SPATA22: variants seen among roughly 807,000 people sequenced by gnomAD.
The protein encoded by SPATA22 is spermatogenesis-associated protein 22.
A neutral mutation model predicts 47.8 loss-of-function variants in SPATA22; 29 were observed. That is an observed-to-expected ratio of 0.61 (90% CI 0.45 to 0.83). The LOEUF (loss-of-function observed/expected upper bound fraction) is 0.83, where lower values mean the gene tolerates loss of function less well. Among genes scored for constraint, SPATA22 ranks in the 40% least tolerant of loss-of-function variants. The pLI is 0.00. For missense variants in SPATA22, 410 were observed against 421.7 expected (o/e 0.97, Z 0.24); for synonymous variants, 133 against 140.9 (o/e 0.94, Z 0.40).
At chr17:3,476,893 T>A (rs1040621410) in intron 1 of SPATA22, among the ~76,000 whole-genome samples, 15 of 152,218 alleles carry the variant, frequency 9.9e-5, no homozygotes, top group Non-Finnish European at 2.1e-4. Context: ...ATATCTTTTG[T>A]CAGAAGACAT....
chr17:3,486,173 A>G (rs1292686023), intron 1 of SPATA22, among the ~76,000 whole-genome samples: 2 of 152,122 alleles, frequency 1.3e-5, no homozygotes, highest in Non-Finnish European at 2.9e-5. Context: ...ACCTCAGGTG[A>G]TCCACCCGCC....
chr17:3,446,203 T>C (rs571590585), intron 7 of SPATA22, among the ~76,000 whole-genome samples: 1 of 152,260 alleles, frequency 6.6e-6, no homozygotes, highest in South Asian at 2.1e-4. Context: ...CTGCAAAGTC[T>C]CTTTTGCCAT....
At chr17:3,498,886 G>A (rs1352242107) in intron 1 of SPATA22, 55 of 1,555,890 alleles carry the variant, frequency 3.5e-5, no homozygotes, top group Non-Finnish European at 4.7e-5. Flanking sequence ...ATTGTTTCCT[G>A]AGAGGATCAA....
chr17:3,462,887 T>C (rs543407959), intron 3 of SPATA22, 120 bp from the exon 4 acceptor site: 12 of 759,742 alleles, frequency 1.6e-5, no homozygotes, highest in Non-Finnish European at 2.5e-5. Context: ...CTTGAATATA[T>C]GGATTTCTTC....
chr17:3,444,969 A>G (rs1380899177), intron 7 of SPATA22, among the ~76,000 whole-genome samples: 1 of 152,114 alleles, frequency 6.6e-6, no homozygotes, highest in African/African-American at 2.4e-5. Flanking sequence ...ATTGGTGTTT[A>G]TAATGAGTAT....
intron 5 of SPATA22, among the ~76,000 whole-genome samples, chr17:3,462,058 C>T (rs1239740402): frequency 6.6e-6 from 1 of 152,154 alleles, no homozygotes; most frequent in East Asian, 1.9e-4. Flanking sequence ...CTTTCTTCTG[C>T]CATTCCGTTT....
At chr17:3,492,160 C>T (rs1025971083) in intron 1 of SPATA22, among the ~76,000 whole-genome samples, 12 of 152,130 alleles carry the variant, frequency 7.9e-5, no homozygotes, top group Admixed American at 2.6e-4. Flanking sequence ...TACAGGCCTG[C>T]GCCATTGCGC....
At chr17:3,452,454 T>C (rs1361440691) in intron 5 of SPATA22, among the ~76,000 whole-genome samples, 2 of 151,872 alleles carry the variant, frequency 1.3e-5, no homozygotes, top group Non-Finnish European at 2.9e-5. Flanking sequence ...TAGCTGGGCA[T>C]GGTGGGGCAG....
chr17:3,466,238 A>C (rs1465431520), intron 3 of SPATA22, among the ~76,000 whole-genome samples: 1 of 151,276 alleles, frequency 6.6e-6, no homozygotes, highest in Admixed American at 6.6e-5. Flanking sequence ...CTAGCTATAT[A>C]AGATCCTATT....
chr17:3,501,952 CAAAAAAAA>C (rs35886989), intron 1 of SPATA22: 1 of 147,308 alleles, frequency 6.8e-6, no homozygotes, highest in African/African-American at 2.6e-5. Flanking sequence ...GCCTCCATCT[CAAAAAAAA>C]AAAAAAAAAA....
rs368125267 is a variant in SPATA22, at chr17:3,462,466, A to C, written c.329+17T>G. 42 of 1,548,568 alleles carry C rather than the reference A, an allele frequency of 2.7e-5. 1 individual carries two copies. The African/African-American group carries it at 4.3e-4, about 16-fold the overall frequency. On this transcript the variant is annotated intron_variant, in intron 5 of 8. Coordinates refer to ENST00000572969, the MANE Select transcript of SPATA22 (RefSeq NM_001170698.2). ...TGAGAAGGAATAGAAGAAGAAAGAA[A>C]TTTTAAGTAGACTCACCTCCAACCA...
chr17:3,471,587 G>A (rs1453007124), intron 1 of SPATA22, 95 bp downstream of exon 1: 2 of 985,106 alleles, frequency 2.0e-6, no homozygotes, highest in African/African-American at 1.8e-5. Context: ...CCTGACCGCG[G>A]TGGGAGAGAA....
At chr17:3,505,690 T>A (rs1361206960) in intron 1 of SPATA22, among the ~76,000 whole-genome samples, 2 of 151,966 alleles carry the variant, frequency 1.3e-5, no homozygotes, top group Non-Finnish European at 2.9e-5. Flanking sequence ...TATTTGCATA[T>A]CCGACAAAAA....
intron 1 of SPATA22, among the ~76,000 whole-genome samples, chr17:3,509,242 GT>G (rs2074080410): frequency 6.6e-6 from 1 of 151,882 alleles, no homozygotes; most frequent in African/African-American, 2.4e-5. Flanking sequence ...GAACATGCAG[GT>G]TTGTTACATA....
At chr17:3,503,555 T>G (rs906521896) in intron 1 of SPATA22, 5 of 152,202 alleles carry the variant, frequency 3.3e-5, no homozygotes, top group Non-Finnish European at 7.3e-5. Flanking sequence ...AAGAATATTC[T>G]TCCCTCAAAT....
chr17:3,467,599 G>T, intron 2 of SPATA22, 45 bp from the exon 3 acceptor site: 2 of 1,524,188 alleles, frequency 1.3e-6, no homozygotes, highest in Non-Finnish European at 1.8e-6. Context: ...AGACAAATAA[G>T]CAGATCTAGT....
chr17:3,448,935 T>C lies in SPATA22; in HGVS notation c.544A>G (p.Lys182Glu), dbSNP rs1482778075. ...CCTCTCATTGTGCAGCCAGATATTTTTGATGAATGTGTTTGTCTGAGTAGC... is the reference window on the plus strand; with the variant it reads ...CCTCTCATTGTGCAGCCAGATATTTCTGATGAATGTGTTTGTCTGAGTAGC... Reference protein sequence around the residue: ...TELLRQTHSSKISGCTMRGLD... With the variant: ...TELLRQTHSSEISGCTMRGLD... Residue 182 changes from lysine (K) to glutamate (E), a missense_variant, in exon 6 of 9, where the codon AAA (lysine) becomes GAA (glutamate). Lys to Glu is a moderately conservative substitution (Grantham distance 56). Transcript: ENST00000572969. The C allele has an allele frequency of 1.9e-6, 3 of 1,614,082 alleles. No individual in the cohort carries two copies. The highest frequency in any genetic ancestry group is 2.5e-6 in the Non-Finnish European group (3 of 1,179,974).
chr17:3,500,858 T>C (rs2150765981), intron 1 of SPATA22: 1 of 152,192 alleles, frequency 6.6e-6, no homozygotes, highest in South Asian at 2.1e-4. Context: ...CTGAGCTCTA[T>C]AAATGGAACA....
At chr17:3,464,966 G>A (rs1280172211) in intron 3 of SPATA22, among the ~76,000 whole-genome samples, 1 of 110,570 alleles carries the variant, frequency 9.0e-6, no homozygotes, top group African/African-American at 2.7e-5. Flanking sequence ...CGCCCCTACT[G>A]GGAAGTGAGG....
Sources: gnomAD v4.1 joint callset for allele counts (sites outside exome capture counted in the v4.1 genomes callset) on GRCh38, gnomAD v4.1.1 for gene constraint, MANE v1.5 for transcripts, NCBI Gene and HGNC (gene_info 2026-07-23, HGNC 2026-07-21) for gene names.